Variants in C19orf18 observed in about 807,000 individuals in gnomAD.
C19orf18 encodes chromosome 19 open reading frame 18.
A neutral mutation model predicts 23.3 loss-of-function variants in C19orf18; 21 were observed. That is an observed-to-expected ratio of 0.90 (90% CI 0.64 to 1.30). C19orf18 has a LOEUF of 1.30. Among genes scored for constraint, C19orf18 ranks in the 50% most tolerant of loss-of-function variants. C19orf18 has a pLI of 0.00. For synonymous variants in C19orf18, 96 were observed against 95.2 expected, an observed-to-expected ratio of 1.01 and a Z score of -0.05; for missense variants, 249 against 259.6, an observed-to-expected ratio of 0.96 and a Z score of 0.28.
At chr19:57,961,939 CCCTT>C (rs1458377535) in intron 4 of C19orf18, among the ~76,000 whole-genome samples, 1 of 150,390 alleles carries the variant, frequency 6.6e-6, no homozygotes, top group African/African-American at 2.4e-5. Context: ...CTTCCTCCCT[CCCTT>C]CTTTTCTTTC....
At position 57,959,340 on chromosome 19, in the gene C19orf18, T is replaced by C. The variant is rs2287946; in HGVS notation, c.533-623A>G. ...CTGTCTCTACTAAAAATACAAAAAC[T>C]AGCCCGGCGCAGTGGCTCATGCCTG... On this transcript the variant is annotated intron_variant, in intron 5 of 5. Transcript: ENST00000314391. Among the ~76,000 whole-genome samples the C allele has an allele frequency of 5.9e-5, 9 of 152,102 alleles. No homozygotes were observed. The East Asian group carries it at 1.7e-3, about 29-fold the overall frequency.
chr19:57,960,519 T>C (rs187164392), intron 5 of C19orf18, among the ~76,000 whole-genome samples: 1 of 151,926 alleles, frequency 6.6e-6, no homozygotes, highest in East Asian at 1.9e-4. Context: ...ATGTCTGTGG[T>C]GGGCATGGCA....
chr19:57,961,585 G>C, intron 4 of C19orf18, 34 bp from the exon 5 acceptor site: 1 of 1,597,314 alleles, frequency 6.3e-7, no homozygotes, highest in Non-Finnish European at 8.5e-7. Context: ...TAGAAGCACA[G>C]TTTTCATGAT....
intron 3 of C19orf18, among the ~76,000 whole-genome samples, chr19:57,971,613 G>A (rs904729029): frequency 6.6e-6 from 1 of 152,116 alleles, no homozygotes; most frequent in Non-Finnish European, 1.5e-5. Flanking sequence ...TGGGATTACA[G>A]GTGCCCACCA....
At chr19:57,971,919 C>A (rs2072947218) in intron 3 of C19orf18, among the ~76,000 whole-genome samples, 1 of 152,194 alleles carries the variant, frequency 6.6e-6, no homozygotes, top group Non-Finnish European at 1.5e-5. Flanking sequence ...GCATGTCTCA[C>A]TCAGCATATG....
At chr19:57,965,544 G>C (rs559083354) in intron 4 of C19orf18, among the ~76,000 whole-genome samples, 3 of 152,154 alleles carry the variant, frequency 2.0e-5, no homozygotes, top group Non-Finnish European at 4.4e-5. Flanking sequence ...TCTGGAGTTC[G>C]AGACCAGCCT....
At chr19:57,962,541 G>C (rs1374830473) in intron 4 of C19orf18, among the ~76,000 whole-genome samples, 1 of 152,046 alleles carries the variant, frequency 6.6e-6, no homozygotes, top group East Asian at 1.9e-4. Flanking sequence ...TCCCAGTACT[G>C]TGTGAATTAT....
chr19:57,971,120 G>A (rs1024220904), intron 3 of C19orf18, among the ~76,000 whole-genome samples: 7 of 152,270 alleles, frequency 4.6e-5, no homozygotes, highest in Admixed American at 1.3e-4. Flanking sequence ...TGTGTTTGGC[G>A]TGGATGGATG....
At chr19:57,966,988 G>A (rs372347781) in intron 3 of C19orf18, among the ~76,000 whole-genome samples, 1 of 151,152 alleles carries the variant, frequency 6.6e-6, no homozygotes, top group African/African-American at 2.4e-5. Flanking sequence ...CTCAGGCTAG[G>A]ACTCTTAATT....
intron 3 of C19orf18, among the ~76,000 whole-genome samples, chr19:57,970,769 A>G (rs993836795): frequency 1.4e-4 from 21 of 152,090 alleles, no homozygotes; most frequent in Non-Finnish European, 3.1e-4. Context: ...CATGTTGTCC[A>G]GGCTGGTCTC....
intron 3 of C19orf18, among the ~76,000 whole-genome samples, chr19:57,970,701 A>G (rs970768787): frequency 7.1e-6 from 1 of 141,604 alleles, no homozygotes; most frequent in Non-Finnish European, 1.5e-5. Context: ...CCTCCCGAGT[A>G]GCTGGCCTCC....
At chr19:57,965,168 CTT>C (rs1472114587) in intron 4 of C19orf18, among the ~76,000 whole-genome samples, 5 of 137,634 alleles carry the variant, frequency 3.6e-5, no homozygotes, top group Non-Finnish European at 6.5e-5. Flanking sequence ...GAGTTTTGCT[CTT>C]GTCGCCCAGG....
Position 57,961,554 on chromosome 19 carries a change from G to A in C19orf18, c.372-3C>T, listed in dbSNP as rs201935723. 4.3e-4 allele frequency: 688 copies of A among 1,606,984 alleles called. 3 individuals are homozygous for A. The African/African-American group carries it at 8.3e-3, about 19-fold the overall frequency. On this transcript the variant is annotated splice_region_variant and splice_polypyrimidine_tract_variant and intron_variant, in intron 4 of 5. Transcript: ENST00000314391. ...TTTCCTCAGCCTGTGCCAGTCGACT[G>A]GAGAATGATATAAATGAATTTAGAA...
At chr19:57,963,988 A>G (rs2072891452) in intron 4 of C19orf18, among the ~76,000 whole-genome samples, 1 of 152,234 alleles carries the variant, frequency 6.6e-6, no homozygotes, top group Non-Finnish European at 1.5e-5. Context: ...ACTTACCAAT[A>G]GTATTTTCAA....
Position 57,958,437 on chromosome 19 carries a change from T to C in C19orf18, c.*165A>G. ...AACTATGAGAGCCAATAAGCAAGAGTTGCTATATCATGTGGCTTTATTTTC... is the reference window on the plus strand; with the variant it reads ...AACTATGAGAGCCAATAAGCAAGAGCTGCTATATCATGTGGCTTTATTTTC... On this transcript the variant is annotated 3_prime_UTR_variant, in exon 6 of 6. Transcript: ENST00000314391. 1 of 533,418 alleles carries C rather than the reference T, an allele frequency of 1.9e-6. No individual in the cohort carries two copies. Among genetic ancestry groups the C allele is most frequent in the Non-Finnish European group, 3.3e-6 (1 of 304,388 alleles). 33.0% of individuals were successfully genotyped at this position (533,418 alleles called of 1,614,324 possible). A position where few individuals can be genotyped will look rare whatever the true frequency, so the allele number is the denominator to read the frequency against.
rs1249135994 is a variant in C19orf18 at position 57,974,114 on chromosome 19, C to G, written c.211G>C (p.Ala71Pro). Residue 71 changes from alanine (A) to proline (P), a missense_variant, in exon 2 of 6, where the codon GCC becomes CCC. Coordinates refer to ENST00000314391, the MANE Select transcript of C19orf18 (RefSeq NM_152474.5). The part of the protein sequence containing the change: ...KTQLPGIQGA[A>P]SRSTAASPTN... ...AATGACTCACCCGTGGATCTCGAGG[C>G]AGCCCCTTGAATCCCAGGCAACTGG... The G allele has an allele frequency of 1.1e-5, 18 of 1,613,966 alleles. No individual in the cohort carries two copies. The highest frequency in any genetic ancestry group is 1.3e-5 in the Non-Finnish European group (15 of 1,179,952).
intron 3 of C19orf18, among the ~76,000 whole-genome samples, chr19:57,971,829 G>A (rs1326202823): frequency 6.6e-6 from 1 of 152,070 alleles, no homozygotes; most frequent in Non-Finnish European, 1.5e-5. Context: ...ATAGACCCTG[G>A]TGCTTCCTTG....
At chr19:57,961,886 CTT>C (rs202119803) in intron 4 of C19orf18, among the ~76,000 whole-genome samples, 1 of 149,634 alleles carries the variant, frequency 6.7e-6, no homozygotes, top group African/African-American at 2.5e-5. Flanking sequence ...TTCTCTTTTT[CTT>C]TCTCTTTTTT....
intron 5 of C19orf18, 150 bp downstream of exon 5, chr19:57,961,241 A>T (rs1385415865): frequency 2.1e-6 from 2 of 946,346 alleles, no homozygotes; most frequent in Admixed American, 5.9e-5. Context: ...TCTTAAAAAA[A>T]AAATGAAAGA....
Sources: gnomAD v4.1 joint callset for allele counts (sites outside exome capture counted in the v4.1 genomes callset) on GRCh38, gnomAD v4.1.1 for gene constraint, MANE v1.5 for transcripts, NCBI Gene and HGNC (gene_info 2026-07-23, HGNC 2026-07-21) for gene names.